The following ABCC3 variants were observed in gnomAD, a reference collection of about 807,000 sequenced individuals.
The protein encoded by ABCC3 is ATP binding cassette subfamily C member 3.
A neutral mutation model predicts 165.3 loss-of-function variants in ABCC3; 121 were observed. The ratio of observed to expected loss-of-function variants is 0.73; its 90% CI spans 0.63 to 0.85. The LOEUF is 0.85. Ranked by LOEUF, ABCC3 falls within the 40% of genes least tolerant of loss-of-function variation. ABCC3 has a pLI of 0.00. For synonymous variants in ABCC3, 733 were observed against 810.1 expected, an observed-to-expected ratio of 0.90 and a Z score of 1.62; for missense variants, 1,869 against 1,964.1, an observed-to-expected ratio of 0.95 and a Z score of 0.92.
chr17:50,666,782 G>A (rs1352221001), intron 11 of ABCC3, among the ~76,000 whole-genome samples: 1 of 152,204 alleles, frequency 6.6e-6, no homozygotes, highest in East Asian at 1.9e-4. Context: ...CATTAATCTG[G>A]TGTGCCACAC....
intron 1 of ABCC3, among the ~76,000 whole-genome samples, chr17:50,638,543 G>T (rs1340109929): frequency 6.6e-6 from 1 of 152,212 alleles, no homozygotes; most frequent in Non-Finnish European, 1.5e-5. Flanking sequence ...GAGGGAAGAT[G>T]CGGCCAGTGG....
chr17:50,642,559 G>A (rs1039097268), intron 1 of ABCC3, among the ~76,000 whole-genome samples: 1 of 152,210 alleles, frequency 6.6e-6, no homozygotes, highest in South Asian at 2.1e-4. Flanking sequence ...GTGCTTTGCT[G>A]TTCATTCTCC....
Position 50,634,967 on chromosome 17 carries a change from G to T in ABCC3, c.31G>T (p.Gly11Cys), listed in dbSNP as rs1278424829. The T allele has an allele frequency of 2.4e-6, 3 of 1,259,734 alleles. No individual in the cohort carries two copies. Among genetic ancestry groups the T allele is most frequent in the Middle Eastern group, 3.0e-4 (1 of 3,296 alleles). 78.0% of individuals were successfully genotyped at this position (1,259,734 alleles called of 1,614,324 possible). A position where few individuals can be genotyped will look rare whatever the true frequency, so the allele number is the denominator to read the frequency against. MDALCGSGEL[G>C]SKFWDSNLSV... ...CGCCCTGTGCGGTTCCGGGGAGCTCGGCTCCAAGTTCTGGGTAAGGCGCGG... is the reference window on the plus strand; with the variant it reads ...CGCCCTGTGCGGTTCCGGGGAGCTCTGCTCCAAGTTCTGGGTAAGGCGCGG... Residue 11 changes from glycine to cysteine, a missense_variant, in exon 1 of 31, where the codon GGC becomes TGC. By Grantham distance (159) the Gly-to-Cys change is radical. Transcript: ENST00000285238.
chr17:50,650,781 C>A (rs1017152075), intron 1 of ABCC3, among the ~76,000 whole-genome samples: 17 of 151,772 alleles, frequency 1.1e-4, no homozygotes, highest in African/African-American at 4.1e-4. Context: ...AATTCTTAAC[C>A]CCGGCCAGGT....
At chr17:50,652,069 T>C (rs560094256) in intron 1 of ABCC3, among the ~76,000 whole-genome samples, 1 of 152,248 alleles carries the variant, frequency 6.6e-6, no homozygotes, top group Non-Finnish European at 1.5e-5. Flanking sequence ...GAGGTAGTTC[T>C]TAATTTTCTG....
chr17:50,673,981 T>TTTCCTTCCTTCCTTC (rs1567835559), intron 19 of ABCC3, among the ~76,000 whole-genome samples: 1 of 3,316 alleles, frequency 3.0e-4, no homozygotes. Flanking sequence ...TCTTTCTTTC[T>TTTCCTTCCTTCCTTC]CTCTCTCTCT....
chr17:50,671,070 A>G (rs1197368879), intron 17 of ABCC3, among the ~76,000 whole-genome samples: 2 of 152,092 alleles, frequency 1.3e-5, no homozygotes, highest in Non-Finnish European at 2.9e-5. Flanking sequence ...CCTTGCTAAC[A>G]TGATAAAACC....
chr17:50,661,612 G>C (rs1296739150), intron 8 of ABCC3, among the ~76,000 whole-genome samples: 1 of 152,222 alleles, frequency 6.6e-6, no homozygotes, highest in Non-Finnish European at 1.5e-5. Flanking sequence ...GAGCTGCCTA[G>C]TAGCTAAGTC....
At chr17:50,660,865 G>C in intron 7 of ABCC3, 58 bp from the exon 8 acceptor site, 1 of 1,500,460 alleles carries the variant, frequency 6.7e-7, no homozygotes, top group Non-Finnish European at 9.0e-7. Flanking sequence ...CCTAGCCCTT[G>C]GCTTCCTGGA....
chr17:50,656,872 G>T, intron 3 of ABCC3, 45 bp downstream of exon 3: 5 of 1,578,264 alleles, frequency 3.2e-6, no homozygotes, highest in Non-Finnish European at 4.3e-6. Context: ...GGTCTCCATT[G>T]GGTTGTGGAC....
At chr17:50,669,582 A>T in intron 17 of ABCC3, 54 bp downstream of exon 17, 2 of 1,581,398 alleles carry the variant, frequency 1.3e-6, no homozygotes, top group Non-Finnish European at 1.7e-6. Context: ...TGCCCACCTC[A>T]ACCCAGCCCA....
At chr17:50,664,153 G>C (rs1176802339) in intron 10 of ABCC3, 42 bp downstream of exon 10, 1 of 1,608,812 alleles carries the variant, frequency 6.2e-7, no homozygotes. Context: ...CCTCTGACAT[G>C]CTGCAGAAGT....
intron 10 of ABCC3, 65 bp downstream of exon 10, chr17:50,664,176 T>A (rs749987601): frequency 4.4e-6 from 7 of 1,590,728 alleles, no homozygotes; most frequent in African/African-American, 2.7e-5. Context: ...CAAGAGAGGA[T>A]TATTCTGGAA....
At chr17:50,653,344 C>CAAAAAAAAAAAAAAAAAAAA (rs1298179994) in intron 1 of ABCC3, among the ~76,000 whole-genome samples, 2 of 47,738 alleles carry the variant, frequency 4.2e-5, no homozygotes, top group African/African-American at 6.9e-5. Flanking sequence ...GAGACTGTCT[C>CAAAAAAAAAAAAAAAAAAAA]AAAAAAAAAA....
Position 50,687,539 on chromosome 17 carries a change from G to A in ABCC3, c.4284G>A (p.Val1428=). 6.2e-7 allele frequency: 1 copy of A among 1,612,944 alleles called. No homozygotes were observed. The highest frequency in any genetic ancestry group is 1.1e-5 in the South Asian group (1 of 91,074). The change falls in exon 30 of 31, where the codon GTG becomes GTA. Residue 1428 remains valine (V), a synonymous_variant. Transcript: ENST00000285238. ...QCSEGGENLS[V]GQRQLVCLAR... is the part of the protein sequence containing the mutation. ...TGCCTGCCTTCTCCACTCCCAGCGT[G>A]GGCCAGAGGCAGCTCGTGTGCCTGG...
chr17:50,636,316 T>C (rs2054179857), intron 1 of ABCC3, among the ~76,000 whole-genome samples: 1 of 152,106 alleles, frequency 6.6e-6, no homozygotes, highest in Admixed American at 6.5e-5. Context: ...GGGCTGTGTT[T>C]AGAATGGGCT....
Position 50,677,902 on chromosome 17 carries a change from T to C in ABCC3, c.3537T>C (p.Asp1179=). The change falls in exon 24 of 31, where the codon GAT becomes GAC. Residue 1179 remains aspartate, a synonymous_variant. Coordinates refer to ENST00000285238, the MANE Select transcript of ABCC3 (RefSeq NM_003786.4). ...AGATCATCAGTGATACTAAGGTGGATGCCAACCAGAGAAGCTGCTACCCCT... is the reference window on the plus strand; with the variant it reads ...AGATCATCAGTGATACTAAGGTGGACGCCAACCAGAGAAGCTGCTACCCCT... ...DFEIISDTKV[D]ANQRSCYPYI... is the part of the protein sequence containing the mutation. The C allele has an allele frequency of 6.2e-7, 1 of 1,614,168 alleles. No homozygotes were observed. Among genetic ancestry groups the C allele is most frequent in the Non-Finnish European group, 8.5e-7 (1 of 1,180,034 alleles).
intron 13 of ABCC3, 126 bp from the exon 14 acceptor site, chr17:50,668,304 A>T: frequency 1.3e-6 from 1 of 765,220 alleles, no homozygotes; most frequent in Non-Finnish European, 2.2e-6. Context: ...CGTGGGAGGG[A>T]CCCCAGTGCT....
chr17:50,691,002 G>A, intron 30 of ABCC3, 90 bp from the exon 31 acceptor site: 1 of 985,030 alleles, frequency 1.0e-6, no homozygotes, highest in Non-Finnish European at 1.6e-6. Flanking sequence ...GTCACTGTGG[G>A]CCTGAGCAAG....
Sources: gnomAD v4.1 joint callset for allele counts (sites outside exome capture counted in the v4.1 genomes callset) on GRCh38, gnomAD v4.1.1 for gene constraint, MANE v1.5 for transcripts, NCBI Gene and HGNC (gene_info 2026-07-23, HGNC 2026-07-21) for gene names.